SENP7: variants seen among roughly 807,000 people sequenced by gnomAD.
SENP7 encodes the protein sentrin-specific protease 7.
A neutral mutation model predicts 141.2 loss-of-function variants in SENP7; 64 were observed. The observed-to-expected ratio is 0.45, with a 90% CI of 0.37 to 0.56. The LOEUF (loss-of-function observed/expected upper bound fraction) is 0.56. SENP7 is among the 20% of genes least tolerant of loss of function. The pLI, the probability that SENP7 is intolerant of heterozygous loss-of-function variation, is 0.00. For missense variants in SENP7, 1,025 were observed against 1,212.2 expected (o/e 0.85, Z 2.29); for synonymous variants, 382 against 426.4 (o/e 0.90, Z 1.28).
intron 23 of SENP7, among the ~76,000 whole-genome samples, chr3:101,326,918 T>C (rs978550311): frequency 6.7e-6 from 1 of 149,864 alleles, no homozygotes; most frequent in Non-Finnish European, 1.5e-5. Context: ...GGGCTATAGC[T>C]GGAGTTCACT....
At chr3:101,341,339 A>G (rs2059320328) in intron 15 of SENP7, among the ~76,000 whole-genome samples, 2 of 152,220 alleles carry the variant, frequency 1.3e-5, no homozygotes, top group South Asian at 4.1e-4. Flanking sequence ...TGTTCAGATA[A>G]GGAATGTAGA....
chr3:101,375,138 G>A (rs2107458076), intron 6 of SENP7, among the ~76,000 whole-genome samples: 1 of 152,144 alleles, frequency 6.6e-6, no homozygotes, highest in Admixed American at 6.5e-5. Context: ...TGGCAAAAAT[G>A]TAGAAAAATT....
chr3:101,348,128 G>T, intron 12 of SENP7, 77 bp from the exon 13 acceptor site: 1 of 853,026 alleles, frequency 1.2e-6, no homozygotes, highest in Non-Finnish European at 1.7e-6. Flanking sequence ...TATGACACTT[G>T]TTAATACACT....
At chr3:101,457,675 A>T in intron 4 of SENP7, 1 of 1,396,156 alleles carries the variant, frequency 7.2e-7, no homozygotes, top group Non-Finnish European at 1.0e-6. Flanking sequence ...CCACCAATGC[A>T]CACTTGTGCC....
intron 6 of SENP7, among the ~76,000 whole-genome samples, chr3:101,394,723 A>ATTTTT (rs2060918635): frequency 1.3e-5 from 2 of 151,824 alleles, no homozygotes; most frequent in African/African-American, 4.8e-5. Flanking sequence ...AGAAATCTCC[A>ATTTTT]TACTGCTTTC....
chr3:101,342,898 T>C (rs1457709940), intron 14 of SENP7, among the ~76,000 whole-genome samples: 1 of 152,140 alleles, frequency 6.6e-6, no homozygotes, highest in East Asian at 1.9e-4. Context: ...TGTCTTGACC[T>C]CTCGTGATCC....
At chr3:101,348,665 T>C (rs778171342) in intron 12 of SENP7, among the ~76,000 whole-genome samples, 11 of 152,132 alleles carry the variant, frequency 7.2e-5, no homozygotes, top group Non-Finnish European at 1.3e-4. Context: ...TAAGGAGACA[T>C]TTCTTTTAAA....
intron 4 of SENP7, among the ~76,000 whole-genome samples, chr3:101,438,902 G>A (rs558467606): frequency 8.4e-4 from 126 of 149,322 alleles, no homozygotes; most frequent in African/African-American, 2.4e-3. Context: ...AGGAGCAGCC[G>A]CCTGCCTTGG....
chr3:101,349,521 C>G (rs891524885), intron 12 of SENP7, among the ~76,000 whole-genome samples: 1 of 151,962 alleles, frequency 6.6e-6, no homozygotes, highest in African/African-American at 2.4e-5. Flanking sequence ...TTTGTCCTTG[C>G]AATAGTTTGC....
At chr3:101,368,471 C>T (rs1431589443) in intron 7 of SENP7, among the ~76,000 whole-genome samples, 1 of 150,684 alleles carries the variant, frequency 6.6e-6, no homozygotes, top group Non-Finnish European at 1.5e-5. Context: ...CAAACTATCA[C>T]AAGGACAAAA....
chr3:101,500,164 T>G (rs975669163), intron 2 of SENP7, among the ~76,000 whole-genome samples: 3 of 152,260 alleles, frequency 2.0e-5, no homozygotes, highest in African/African-American at 7.2e-5. Flanking sequence ...AAGTTCTCTG[T>G]GCATAACTTA....
intron 6 of SENP7, among the ~76,000 whole-genome samples, chr3:101,392,688 T>C (rs558569675): frequency 6.6e-6 from 1 of 152,040 alleles, no homozygotes; most frequent in African/African-American, 2.4e-5. Context: ...GAAAAACCAA[T>C]CCAAAAATTC....
chr3:101,441,646 A>C (rs1278414201), intron 4 of SENP7, among the ~76,000 whole-genome samples: 2 of 152,126 alleles, frequency 1.3e-5, no homozygotes, highest in Non-Finnish European at 2.9e-5. Context: ...CACAGCTGGC[A>C]CCAAACATGC....
chr3:101,421,284 G>A (rs1370483793), intron 4 of SENP7, among the ~76,000 whole-genome samples: 3 of 151,598 alleles, frequency 2.0e-5, no homozygotes, highest in African/African-American at 4.9e-5. Flanking sequence ...AAGAGACACC[G>A]AGAGACGGCA....
chr3:101,443,599 A>G (rs2107787888), intron 4 of SENP7, among the ~76,000 whole-genome samples: 1 of 151,742 alleles, frequency 6.6e-6, no homozygotes, highest in African/African-American at 2.4e-5. Context: ...ATGTTCTTCC[A>G]TTTGTTTGTA....
intron 6 of SENP7, among the ~76,000 whole-genome samples, chr3:101,380,441 C>CT (rs1379903567): frequency 2.0e-5 from 2 of 101,104 alleles, no homozygotes; most frequent in South Asian, 3.6e-4. Context: ...CACCGCCCCC[C>CT]CCCCCACACA....
chr3:101,416,175 C>T (rs1394820443), intron 5 of SENP7, among the ~76,000 whole-genome samples: 2 of 152,074 alleles, frequency 1.3e-5, no homozygotes, highest in Non-Finnish European at 2.9e-5. Flanking sequence ...TGGTAGCTCA[C>T]CCACTAACTG....
intron 11 of SENP7, chr3:101,357,346 G>T (rs1167253121): frequency 2.9e-6 from 2 of 683,026 alleles, no homozygotes; most frequent in Non-Finnish European, 5.5e-6. Flanking sequence ...AGGATGTGAT[G>T]TTAGAGAACT....
intron 7 of SENP7, among the ~76,000 whole-genome samples, chr3:101,368,580 T>TG (rs1246919417): frequency 6.3e-5 from 3 of 47,382 alleles, no homozygotes; most frequent in Admixed American, 3.4e-4. Flanking sequence ...TGTTGTAGGG[T>TG]GGGGGGTGGG....
Sources: gnomAD v4.1 joint callset for allele counts (sites outside exome capture counted in the v4.1 genomes callset) on GRCh38, gnomAD v4.1.1 for gene constraint, MANE v1.5 for transcripts, NCBI Gene and HGNC (gene_info 2026-07-23, HGNC 2026-07-21) for gene names.